The following FLT4 variants were observed in gnomAD, a reference collection of about 807,000 sequenced individuals.
FLT4 encodes the protein fms related receptor tyrosine kinase 4, also known as vascular endothelial growth factor receptor 3.
FLT4 carries 30 observed loss-of-function variants against 163.2 expected under a neutral mutation model. The observed-to-expected ratio is 0.18, with a 90% CI of 0.14 to 0.25. FLT4 has a LOEUF of 0.25. Among genes scored for constraint, FLT4 ranks in the 10% least tolerant of loss-of-function variants. FLT4 has a pLI of 1.00. For missense variants in FLT4, 1,510 were observed against 1,863.8 expected (o/e 0.81, Z 3.50); for synonymous variants, 884 against 789.5 (o/e 1.12, Z -2.01).
intron 1 of FLT4, among the ~76,000 whole-genome samples, chr5:180,637,548 T>C (rs1369863047): frequency 2.6e-5 from 4 of 152,070 alleles, no homozygotes; most frequent in Admixed American, 2.0e-4. Flanking sequence ...TGTTTGTTTG[T>C]TTTGAGATGG....
At chr5:180,614,804 C>T (rs973695698) in intron 23 of FLT4, among the ~76,000 whole-genome samples, 1 of 152,166 alleles carries the variant, frequency 6.6e-6, no homozygotes, top group Non-Finnish European at 1.5e-5. Flanking sequence ...TTCCCTCCAA[C>T]CAGCGGCCAT....
At chr5:180,607,823 T>C (rs1049095) in intron 29 of FLT4, 141,154 of 456,178 alleles carry the variant, frequency 0.31, 22,723 homozygotes, top group Middle Eastern at 0.39. Flanking sequence ...GAATAACTGG[T>C]GGGCACAGGG....
Position 180,621,806 on chromosome 5 carries a change from C to G in FLT4, c.1756G>C (p.Glu586Gln), listed in dbSNP as rs1179603465. The G allele has an allele frequency of 1.9e-6, 3 of 1,613,396 alleles. No homozygotes were observed. The highest frequency in any genetic ancestry group is 2.2e-5 in the East Asian group (1 of 44,872). Residue 586 changes from glutamate to glutamine, a missense_variant, in exon 13 of 30, where the codon GAG (glutamate) becomes CAG (glutamine). Around this residue, in one of 5 missense-constraint regions of FLT4, gnomAD observed 878 missense variants for 1,016.7 expected, o/e 0.86. Coordinates refer to ENST00000261937, the MANE Select transcript of FLT4 (RefSeq NM_182925.5). Reference sequence around the variant, plus strand: ...TTGAGGCGGTACCAGCGCAGATGCTCGTACTTGTAGCTGTCGGCTTGGCAG... The same window carrying G: ...TTGAGGCGGTACCAGCGCAGATGCTGGTACTTGTAGCTGTCGGCTTGGCAG... The part of the protein sequence containing the change: ...LSCQADSYKY[E>Q]HLRWYRLNLS...
At position 180,603,402 on chromosome 5, in the gene FLT4, G is replaced by C; in HGVS notation, c.3894-12C>G. On this transcript the variant is annotated splice_polypyrimidine_tract_variant and intron_variant, in intron 29 of 29. Transcript: ENST00000261937. ...CAGGTCCTTTACAGCTGCCAAGACA[G>C]GGAAGGTGGTGTTAGTAAGAGAAGA... 1 of 1,613,032 alleles carries C rather than the reference G, an allele frequency of 6.2e-7. No individual in the cohort carries two copies. The highest frequency in any genetic ancestry group is 8.5e-7 in the Non-Finnish European group (1 of 1,179,488).
chr5:180,641,364 G>C (rs549433091), intron 1 of FLT4, among the ~76,000 whole-genome samples: 1 of 152,370 alleles, frequency 6.6e-6, no homozygotes, highest in Non-Finnish European at 1.5e-5. Context: ...CATTGGCAGA[G>C]AGCATGGCCC....
chr5:180,618,635 T>C, intron 21 of FLT4, 135 bp downstream of exon 21: 3 of 928,180 alleles, frequency 3.2e-6, no homozygotes, highest in Non-Finnish European at 4.9e-6. Context: ...CGAGGTGTCT[T>C]CCCTTCCTAA....
At chr5:180,643,155 C>A (rs307809) in intron 1 of FLT4, among the ~76,000 whole-genome samples, 61,187 of 152,178 alleles carry the variant, frequency 0.4, 13,042 homozygotes, top group Middle Eastern at 0.48. Flanking sequence ...CGTGGGAAAC[C>A]CTGCTCTCCC....
At chr5:180,628,793 G>T in intron 8 of FLT4, 89 bp downstream of exon 8, 1 of 921,838 alleles carries the variant, frequency 1.1e-6, no homozygotes, top group Non-Finnish European at 1.7e-6. Context: ...TCCTGACGGG[G>T]AGGACGCTGC....
At chr5:180,613,753 G>A (rs1384379224) in intron 24 of FLT4, 2 of 447,288 alleles carry the variant, frequency 4.5e-6, no homozygotes, top group African/African-American at 2.0e-5. Flanking sequence ...AGCTCTTGGA[G>A]CTCTTGGAGT....
chr5:180,617,037 C>A lies in FLT4; in HGVS notation c.3002-43G>T, dbSNP rs567452864. 2.8e-6 allele frequency: 4 copies of A among 1,410,888 alleles called. No individual in the cohort carries two copies. In the African/African-American group the frequency reaches 4.2e-5, roughly 15 times the overall value. 87.4% of individuals were successfully genotyped at this position (1,410,888 alleles called of 1,614,324 possible). The stretch of plus-strand genomic sequence containing the variant: ...GTGGGCTCAGGAGGCGCCTCCTCCG[C>A]GGCCTCCATCTACCCAGCCCCAGGG... On this transcript the variant is annotated intron_variant, in intron 21 of 29. Coordinates refer to ENST00000261937, the MANE Select transcript of FLT4 (RefSeq NM_182925.5).
chr5:180,625,654 TGGA>T (rs1381722447), intron 10 of FLT4, among the ~76,000 whole-genome samples: 9 of 152,068 alleles, frequency 5.9e-5, no homozygotes, highest in African/African-American at 1.2e-4. Context: ...GGCCAGCTGA[TGGA>T]GGATGGGTGC....
intron 24 of FLT4, chr5:180,613,852 A>C (rs1762405164): frequency 1.6e-6 from 1 of 625,702 alleles, no homozygotes; most frequent in Admixed American, 2.2e-5. Context: ...TGTGCACCCC[A>C]CAGAGGGTGG....
At chr5:180,619,529 G>A (rs868578466) in intron 18 of FLT4, 136 bp downstream of exon 18, 1 of 983,396 alleles carries the variant, frequency 1.0e-6, no homozygotes, top group Admixed American at 1.7e-5. Context: ...TCTGAAGCCC[G>A]CAGCCTCCCT....
chr5:180,642,206 GAA>G (rs56315811), intron 1 of FLT4, among the ~76,000 whole-genome samples: 28 of 132,132 alleles, frequency 2.1e-4, no homozygotes, highest in South Asian at 4.9e-4. Context: ...GACTCTGTGT[GAA>G]AAAAAAAAAA....
At chr5:180,642,088 T>C (rs918469613) in intron 1 of FLT4, among the ~76,000 whole-genome samples, 6 of 151,478 alleles carry the variant, frequency 4.0e-5, no homozygotes, top group Admixed American at 1.3e-4. Context: ...GCGCCTGCAG[T>C]CCCAGCTACT....
intron 1 of FLT4, among the ~76,000 whole-genome samples, chr5:180,649,009 T>C (rs1353036158): frequency 6.6e-6 from 1 of 152,028 alleles, no homozygotes; most frequent in African/African-American, 2.4e-5. Context: ...TCGAGCGCCC[T>C]CTGGGGGACC....
At chr5:180,616,264 C>T in intron 23 of FLT4, 103 bp downstream of exon 23, 2 of 1,534,614 alleles carry the variant, frequency 1.3e-6, no homozygotes, top group Non-Finnish European at 1.8e-6. Flanking sequence ...AAGGAGCTCA[C>T]CTCACCCTGT....
chr5:180,630,433 C>A lies in FLT4; in HGVS notation c.401-96G>T. 6.4e-7 allele frequency: 1 copy of A among 1,558,868 alleles called. No homozygotes were observed. The highest frequency in any genetic ancestry group is 1.4e-5 in the African/African-American group (1 of 74,034). On this transcript the variant is annotated intron_variant, in intron 3 of 29. Coordinates refer to ENST00000261937, the MANE Select transcript of FLT4 (RefSeq NM_182925.5). This position sits in a 1 kb window ranked among gnomAD's most constrained non-coding sequence, Gnocchi z 6.3. The stretch of plus-strand genomic sequence containing the variant: ...GGTGGTGCTGGTCCTGAACCAGCCA[C>A]CCGCTGGAGCAGGTAGGGCCCCGTT...
intron 23 of FLT4, among the ~76,000 whole-genome samples, chr5:180,615,360 CTCCACTTCCGAAA>C (rs1428072269): frequency 1.2e-3 from 172 of 146,636 alleles, no homozygotes; most frequent in East Asian, 3.4e-3. Flanking sequence ...CACCTCCCTT[CTCCACTTCCGAAA>C]TCCACTTCCT....
Sources: gnomAD v4.1 joint callset for allele counts (sites outside exome capture counted in the v4.1 genomes callset) on GRCh38, gnomAD v4.1.1 for gene constraint, gnomAD v4.1.1 regional missense constraint, Gnocchi (gnomAD v3.1) non-coding constraint, MANE v1.5 for transcripts, NCBI Gene and HGNC (gene_info 2026-07-23, HGNC 2026-07-21) for gene names.